LMLN: variants seen among roughly 807,000 people sequenced by gnomAD.
LMLN encodes the protein leishmanolysin like peptidase.
In LMLN, 70 loss-of-function variants were observed where a neutral mutation model predicts 92.3. That is an observed-to-expected ratio of 0.76 (90% CI 0.63 to 0.92). The LOEUF (loss-of-function observed/expected upper bound fraction) is 0.92. LMLN is among the 40% of genes least tolerant of loss of function. The pLI is 0.00. For missense variants in LMLN, 691 were observed against 814.6 expected (o/e 0.85, Z 1.85); for synonymous variants, 308 against 296.2 (o/e 1.04, Z -0.41).
At chr3:198,036,713 C>T (rs77568042) in intron 15 of LMLN, among the ~76,000 whole-genome samples, 9,782 of 152,148 alleles carry the variant, frequency 0.064, 372 homozygotes, top group African/African-American at 0.099. Flanking sequence ...ATGAAATTGA[C>T]GGTGTTCAAA....
Position 198,011,586 on chromosome 3 carries a change from G to A in LMLN, c.1233-7667G>A, listed in dbSNP as rs531429535. On this transcript the variant is annotated intron_variant, in intron 11 of 15. Transcript: ENST00000330198. ...GTGAATAGTGCCGCAATAAACATACGTGTGCATGTGTCTTTATAGCAGCAT... is the reference window on the plus strand; with the variant it reads ...GTGAATAGTGCCGCAATAAACATACATGTGCATGTGTCTTTATAGCAGCAT... Among the ~76,000 whole-genome samples the A allele has an allele frequency of 6.8e-4, 101 of 148,788 alleles. 1 individual carries two copies. Among genetic ancestry groups the A allele is most frequent in the African/African-American group, 2.4e-3 (95 of 40,076 alleles).
intron 8 of LMLN, 28 bp from the exon 9 acceptor site, chr3:197,990,531 T>C (rs1203062006): frequency 2.1e-6 from 2 of 947,776 alleles, no homozygotes; most frequent in African/African-American, 3.2e-5. Context: ...TTTTCAGTAA[T>C]AATTGTGTTT....
intron 11 of LMLN, among the ~76,000 whole-genome samples, chr3:198,001,697 G>T (rs970696357): frequency 6.6e-6 from 1 of 152,160 alleles, no homozygotes; most frequent in Non-Finnish European, 1.5e-5. Context: ...AGTTTTGTTC[G>T]TTGACAGGAG....
rs1269886005 is a variant in LMLN at position 198,013,622 on chromosome 3, C to T, written c.1233-5631C>T. Among the ~76,000 whole-genome samples, 8 of 126,978 alleles carry T rather than the reference C, an allele frequency of 6.3e-5. 1 individual carries two copies. Among genetic ancestry groups the T allele is most frequent in the Admixed American group, 1.4e-4 (2 of 13,982 alleles). 83.3% of individuals were successfully genotyped at this position (126,978 alleles called of 152,430 possible). A position where few individuals can be genotyped will look rare whatever the true frequency, so the allele number is the denominator to read the frequency against. On this transcript the variant is annotated intron_variant, in intron 11 of 15. Coordinates refer to ENST00000330198, the Ensembl canonical transcript of LMLN. ...TCTGACTTCTCTGTACCCTTCAGAG[C>T]CTCCTAACTAGTCTGACTTCTCTCC...
chr3:198,033,206 T>C (rs1307117596), intron 14 of LMLN, among the ~76,000 whole-genome samples: 1 of 152,218 alleles, frequency 6.6e-6, no homozygotes, highest in East Asian at 1.9e-4. Context: ...TGCATTCTGC[T>C]TCCCAACCTG....
At chr3:198,014,779 T>G (rs1245576633) in intron 11 of LMLN, among the ~76,000 whole-genome samples, 1 of 134,338 alleles carries the variant, frequency 7.4e-6, no homozygotes, top group African/African-American at 3.0e-5. Context: ...GCCCCCTAAC[T>G]AGTCTGACTT....
At position 197,975,152 on chromosome 3, in the gene LMLN, A is replaced by G. The variant is rs530229694; in HGVS notation, c.348+80A>G. 87 of 779,238 alleles carry G rather than the reference A, an allele frequency of 1.1e-4. No individual in the cohort carries two copies. In the South Asian group the frequency reaches 1.2e-3, roughly 11 times the overall value. 48.3% of individuals were successfully genotyped at this position (779,238 alleles called of 1,614,324 possible). On this transcript the variant is annotated intron_variant, in intron 3 of 15. Coordinates refer to ENST00000330198, the Ensembl canonical transcript of LMLN. ...AAATTCTACTTCAGTAAAGAAAAAT[A>G]TATACATGACTTTTGTGACTGAATG...
At chr3:198,024,978 G>T (rs73894250) in intron 14 of LMLN, among the ~76,000 whole-genome samples, 190 bp downstream of exon 15, 2 of 152,174 alleles carry the variant, frequency 1.3e-5, no homozygotes, top group Non-Finnish European at 2.9e-5. Context: ...TAGAAAAAGT[G>T]CCTCTTAAAA....
chr3:198,019,647 C>T lies in LMLN; in HGVS notation c.1365+262C>T, dbSNP rs371858230. On this transcript the variant is annotated intron_variant, in intron 12 of 15. Transcript: ENST00000330198. This position sits in a 1 kb window ranked among gnomAD's most constrained non-coding sequence, Gnocchi z 5.5. ...ATCTGTTTTTACCTGTTTATGTTTT[C>T]TAATTGTTTCCAAAGCCTTGCTATT... Among the ~76,000 whole-genome samples the T allele has an allele frequency of 6.6e-6, 1 of 152,096 alleles. No individual in the cohort carries two copies. The highest frequency in any genetic ancestry group is 2.4e-5 in the African/African-American group (1 of 41,408).
In LMLN at chr3:198,019,241, C is replaced by CT. The variant is rs749729595; in HGVS notation, c.1233-9dup. 4 of 1,604,904 alleles carry CT rather than the reference C, an allele frequency of 2.5e-6. No individual in the cohort carries two copies. The highest frequency in any genetic ancestry group is 3.4e-6 in the Non-Finnish European group (4 of 1,177,416). On this transcript the variant is annotated splice_polypyrimidine_tract_variant and intron_variant, in intron 11 of 15. Transcript: ENST00000330198. This position sits in a 1 kb window ranked among gnomAD's most constrained non-coding sequence, Gnocchi z 5.5. ...TAAAGTTTGATACCATGGTACTTCT[C>CT]TTTGTTTGCAGGAGACAGATGCTGA...
At position 197,993,133 on chromosome 3, in the gene LMLN, CAGCACAATA is replaced by C. The variant is rs370167411; in HGVS notation, c.1047+2459_1047+2467del. On this transcript the variant is annotated intron_variant, in intron 9 of 15. Coordinates refer to ENST00000330198, the Ensembl canonical transcript of LMLN. ...AATTAGGTACAAAAGGAAGATACCT[CAGCACAATA>C]AAGGCCATATAAGAGACACCCACAA... Among the ~76,000 whole-genome samples, 748 of 152,240 alleles carry C rather than the reference CAGCACAATA, an allele frequency of 4.9e-3. 3 individuals are homozygous for C. Among genetic ancestry groups the C allele is most frequent in the African/African-American group, 0.017 (713 of 41,534 alleles).
intron 15 of LMLN, 63 bp from the exon 17 acceptor site, chr3:198,038,504 T>G: frequency 8.7e-7 from 1 of 1,146,942 alleles, no homozygotes; most frequent in Non-Finnish European, 1.3e-6. Flanking sequence ...CTGTCAATAT[T>G]TAATTGGTAT....
intron 11 of LMLN, among the ~76,000 whole-genome samples, chr3:198,013,489 G>A (rs1433133726): frequency 7.3e-6 from 1 of 136,658 alleles, no homozygotes; most frequent in South Asian, 2.3e-4. Context: ...TAACTAGTCT[G>A]ACTTCTCTCC....
intron 5 of LMLN, among the ~76,000 whole-genome samples, chr3:197,979,002 A>T (rs1412357815): frequency 3.9e-5 from 6 of 152,150 alleles, no homozygotes; most frequent in South Asian, 2.1e-4. Flanking sequence ...GGCTCAAAAC[A>T]AAACTAAACT....
exon 1 of LMLN, chr3:197,960,367 C>T: frequency 6.2e-7 from 1 of 1,613,980 alleles, no homozygotes; most frequent in Non-Finnish European, 8.5e-7. Context: ...GGGCTCCGGG[C>T]CAGCGCCACA....
chr3:197,977,233 C>G (rs114291578), intron 5 of LMLN, among the ~76,000 whole-genome samples: 1 of 152,252 alleles, frequency 6.6e-6, no homozygotes, highest in East Asian at 1.9e-4. Context: ...TGAAGGAGAT[C>G]TCTATGTACT....
intron 9 of LMLN, among the ~76,000 whole-genome samples, chr3:197,994,960 C>G (rs1319336527): frequency 1.3e-5 from 2 of 152,204 alleles, no homozygotes; most frequent in Non-Finnish European, 2.9e-5. Context: ...GCCTAAGTGT[C>G]CATCAGCAGA....
intron 6 of LMLN, among the ~76,000 whole-genome samples, chr3:197,983,425 T>A (rs1358341415): frequency 2.0e-5 from 3 of 150,512 alleles, no homozygotes; most frequent in Non-Finnish European, 4.4e-5. Flanking sequence ...GGTGTAGAAT[T>A]TGGAAGAAGA....
intron 11 of LMLN, 66 bp downstream of exon 11, chr3:197,999,408 C>A: frequency 1.8e-6 from 2 of 1,119,800 alleles, no homozygotes; most frequent in African/African-American, 1.5e-5. Context: ...GAGCTTATAG[C>A]TTAAGAAAAT....
Sources: gnomAD v4.1 joint callset for allele counts (sites outside exome capture counted in the v4.1 genomes callset) on GRCh38, gnomAD v4.1.1 for gene constraint, Gnocchi (gnomAD v3.1) non-coding constraint, MANE v1.5 for transcripts, NCBI Gene and HGNC (gene_info 2026-07-23, HGNC 2026-07-21) for gene names.